The following SLMAP variants were observed in gnomAD, a reference collection of about 807,000 sequenced individuals.
SLMAP encodes the protein sarcolemmal membrane-associated protein.
Under a neutral mutation model 128.8 loss-of-function variants are expected in SLMAP, and 44 were observed. The observed-to-expected ratio is 0.34, with a 90% CI of 0.27 to 0.44. SLMAP has a LOEUF of 0.44. Among genes scored for constraint, SLMAP ranks in the 20% least tolerant of loss-of-function variants. SLMAP has a pLI of 1.00. For missense variants in SLMAP, 787 were observed against 985.3 expected (o/e 0.80, Z 2.69); for synonymous variants, 327 against 348.8 (o/e 0.94, Z 0.70).
chr3:57,868,480 C>T (rs1002541978), intron 13 of SLMAP, among the ~76,000 whole-genome samples: 1 of 151,138 alleles, frequency 6.6e-6, no homozygotes, highest in Non-Finnish European at 1.5e-5. Context: ...AATCCCAGCA[C>T]TTTGGGAGGC....
chr3:57,767,098 T>C (rs1383711712), intron 2 of SLMAP, among the ~76,000 whole-genome samples: 1 of 151,976 alleles, frequency 6.6e-6, no homozygotes, highest in Non-Finnish European at 1.5e-5. Context: ...TTTGTATTTT[T>C]AGTAGAGATG....
rs534944166 is a variant in SLMAP, at chr3:57,816,421, G to A, written c.199-14962G>A. 2.0e-5 allele frequency among the ~76,000 whole-genome samples: 3 copies of A among 152,282 alleles called. No homozygotes were observed. In the East Asian group the frequency reaches 5.8e-4, roughly 29 times the overall value. On this transcript the variant is annotated intron_variant, in intron 2 of 24. Transcript: ENST00000671191. Reference sequence around the variant, plus strand: ...GGCCTCCCAAAGTGCTGGGATTACAGGTGTGAGCCACAGCACCCAGCCGAA... The same window carrying A: ...GGCCTCCCAAAGTGCTGGGATTACAAGTGTGAGCCACAGCACCCAGCCGAA...
chr3:57,858,851 A>G (rs1203452043), intron 8 of SLMAP, among the ~76,000 whole-genome samples: 1 of 152,164 alleles, frequency 6.6e-6, no homozygotes, highest in Non-Finnish European at 1.5e-5. Context: ...CTGAGACAGG[A>G]GAATCCCTTG....
intron 3 of SLMAP, among the ~76,000 whole-genome samples, chr3:57,835,608 G>A (rs151095503): frequency 1.2e-4 from 18 of 152,098 alleles, no homozygotes; most frequent in African/African-American, 4.1e-4. Flanking sequence ...TAGTTGTGTC[G>A]CTGAATAACC....
intron 14 of SLMAP, among the ~76,000 whole-genome samples, chr3:57,880,548 A>G (rs2095710246): frequency 6.6e-6 from 1 of 152,090 alleles, no homozygotes; most frequent in African/African-American, 2.4e-5. Flanking sequence ...AATGGTGGAA[A>G]ATGAATAATC....
In SLMAP at chr3:57,865,286, G is replaced by T; in HGVS notation, c.1231G>T (p.Glu411Ter). 6.9e-7 allele frequency: 1 copy of T among 1,449,330 alleles called. No homozygotes were observed. Among genetic ancestry groups the T allele is most frequent in the Non-Finnish European group, 9.4e-7 (1 of 1,063,398 alleles). The allele number at this position is 1,449,330 out of a possible 1,614,324, so 89.8% of individuals were successfully genotyped here. ...CTTACCTAAAATAAATGGGAGCACA[G>T]AAAAAGGTAGTGTAAAAAACTTAAA... ...DFLPKINGST[E>*]KEHLLSKSGG... The change falls in exon 13 of 25, where the codon GAA (glutamate) becomes TAA (stop). Residue 411 changes from glutamate to a stop codon, truncating the protein, a stop_gained. Transcript: ENST00000671191. LOFTEE classifies it high-confidence loss of function.
rs138744399 is a variant in SLMAP, at chr3:57,912,420, G to A, written c.1739G>A (p.Arg580Gln). The change falls in exon 20 of 25, where the codon CGG becomes CAG. Residue 580 changes from arginine to glutamine, a missense_variant. Around this residue, in one of 2 missense-constraint regions of SLMAP, gnomAD observed 715 missense variants for 843.6 expected, o/e 0.85. Coordinates refer to ENST00000671191, the MANE Select transcript of SLMAP (RefSeq NM_001377540.1). The part of the protein sequence containing the change: ...QRLHIDTENL[R>Q]EEKDSEITST... ...TTACACATCGATACTGAGAATCTCC[G>A]GGAGGAGAAGGACAGTGAAATCACA... The A allele has an allele frequency of 2.1e-5, 34 of 1,613,268 alleles. No individual in the cohort carries two copies. The highest frequency in any genetic ancestry group is 4.5e-5 in the East Asian group (2 of 44,868).
intron 19 of SLMAP, among the ~76,000 whole-genome samples, chr3:57,912,104 T>A (rs2153690786): frequency 6.6e-6 from 1 of 152,308 alleles, no homozygotes; most frequent in African/African-American, 2.4e-5. Flanking sequence ...CACTCCCTAT[T>A]TAATGTTTGT....
chr3:57,925,735 T>A, intron 23 of SLMAP, 110 bp from the exon 24 acceptor site: 1 of 722,812 alleles, frequency 1.4e-6, no homozygotes, highest in Admixed American at 2.3e-5. Context: ...AGTGGTATAC[T>A]TCTATTATTT....
intron 14 of SLMAP, among the ~76,000 whole-genome samples, chr3:57,874,901 A>G (rs1289772154): frequency 6.6e-6 from 1 of 151,668 alleles, no homozygotes; most frequent in Admixed American, 6.6e-5. Context: ...TGTCTATTTT[A>G]TTATTGAACA....
intron 18 of SLMAP, 80 bp downstream of exon 18, chr3:57,908,086 C>T (rs532133447): frequency 1.2e-5 from 16 of 1,341,768 alleles, no homozygotes; most frequent in Admixed American, 4.1e-5. Flanking sequence ...ACTTGGAGTC[C>T]GGAGGCATGT....
At chr3:57,832,856 G>A (rs1391209277) in intron 3 of SLMAP, among the ~76,000 whole-genome samples, 2 of 152,058 alleles carry the variant, frequency 1.3e-5, no homozygotes, top group Non-Finnish European at 2.9e-5. Flanking sequence ...ATTTACAATT[G>A]TAAACCAAAA....
chr3:57,903,920 C>G (rs966639428), intron 17 of SLMAP, among the ~76,000 whole-genome samples: 3 of 152,140 alleles, frequency 2.0e-5, no homozygotes, highest in African/African-American at 7.2e-5. Flanking sequence ...AACTCCATTT[C>G]TAGGACAAAA....
chr3:57,880,601 T>C (rs995403072), intron 14 of SLMAP, among the ~76,000 whole-genome samples: 2 of 152,136 alleles, frequency 1.3e-5, no homozygotes, highest in Non-Finnish European at 2.9e-5. Flanking sequence ...TTTAAGGCCA[T>C]GTACAGTGGC....
At position 57,904,846 on chromosome 3, in the gene SLMAP, G is replaced by A. The variant is rs550962621; in HGVS notation, c.1502-3038G>A. ...TAAACATTCTACAATTCATAGGGTAGTCCCACAGCAAAGAATTTATTCAGC... is the reference window on the plus strand; with the variant it reads ...TAAACATTCTACAATTCATAGGGTAATCCCACAGCAAAGAATTTATTCAGC... On this transcript the variant is annotated intron_variant, in intron 17 of 24. Transcript: ENST00000671191. Among the ~76,000 whole-genome samples, 31 of 152,296 alleles carry A rather than the reference G, an allele frequency of 2.0e-4. 1 individual carries two copies. In the South Asian group the frequency reaches 5.6e-3, roughly 27 times the overall value.
At chr3:57,914,943 T>C (rs2096779448) in intron 21 of SLMAP, among the ~76,000 whole-genome samples, 1 of 150,410 alleles carries the variant, frequency 6.6e-6, no homozygotes, top group South Asian at 2.1e-4. Context: ...TGGAGTGCAG[T>C]GGCATGATCT....
chr3:57,837,045 G>T (rs2093672059), intron 3 of SLMAP, among the ~76,000 whole-genome samples: 1 of 152,204 alleles, frequency 6.6e-6, no homozygotes, highest in Admixed American at 6.5e-5. Context: ...AGTCAATGGT[G>T]TATCTTCCTT....
intron 13 of SLMAP, among the ~76,000 whole-genome samples, chr3:57,871,003 C>T (rs572160089): frequency 2.3e-4 from 35 of 152,190 alleles, no homozygotes; most frequent in Admixed American, 1.3e-3. Context: ...AAAATAAATT[C>T]TGTTTGACTT....
chr3:57,894,240 A>G (rs1201297147), intron 15 of SLMAP, among the ~76,000 whole-genome samples: 1 of 152,214 alleles, frequency 6.6e-6, no homozygotes, highest in Non-Finnish European at 1.5e-5. Flanking sequence ...TCTCTGTTGT[A>G]GATCCTTCCA....
Sources: allele counts gnomAD v4.1 joint callset (sites outside exome capture counted in the v4.1 genomes callset), GRCh38; gene constraint gnomAD v4.1.1; regional missense constraint gnomAD v4.1.1; transcripts MANE v1.5; gene names NCBI Gene and HGNC (gene_info 2026-07-23, HGNC 2026-07-21).